Variants in PDZRN4 observed in about 807,000 individuals in gnomAD.
PDZRN4 encodes PDZ domain containing ring finger 4.
PDZRN4 carries 70 observed loss-of-function variants against 99.0 expected under a neutral mutation model. The observed-to-expected ratio is 0.71, with a 90% CI of 0.58 to 0.86. The LOEUF (loss-of-function observed/expected upper bound fraction) is 0.86. Ranked by LOEUF, PDZRN4 falls within the 40% of genes least tolerant of loss-of-function variation. The pLI is 0.00. For missense variants in PDZRN4, 1,474 were observed against 1,331.2 expected (o/e 1.11, Z -1.67); for synonymous variants, 551 against 501.6 (o/e 1.10, Z -1.32).
At chr12:41,464,278 C>T (rs1227130643) in intron 3 of PDZRN4, among the ~76,000 whole-genome samples, 4 of 134,086 alleles carry the variant, frequency 3.0e-5, no homozygotes, top group Non-Finnish European at 3.2e-5. Flanking sequence ...TTCTAGCTTC[C>T]TACTGTACTA....
intron 3 of PDZRN4, among the ~76,000 whole-genome samples, chr12:41,232,276 C>G (rs1164211467): frequency 6.6e-6 from 1 of 152,018 alleles, no homozygotes; most frequent in Non-Finnish European, 1.5e-5. Context: ...TAAGGTGATG[C>G]TCATGTAGCC....
At chr12:41,255,904 A>G (rs1951202103) in intron 3 of PDZRN4, among the ~76,000 whole-genome samples, 1 of 152,178 alleles carries the variant, frequency 6.6e-6, no homozygotes, top group Admixed American at 6.5e-5. Context: ...ACTTATTGCC[A>G]TGGGGTGGGT....
At position 41,336,707 on chromosome 12, in the gene PDZRN4, T is replaced by A. The variant is rs182547174; in HGVS notation, c.843+142519T>A. Among the ~76,000 whole-genome samples, 111 of 152,198 alleles carry A rather than the reference T, an allele frequency of 7.3e-4. 1 individual carries two copies. In the East Asian group the frequency reaches 0.018, roughly 25 times the overall value. ...CCAAGCATTCAGGGATCAAAGTTTTTAAAGATAATTTGGTGGGTTGGGGCT... is the reference window on the plus strand; with the variant it reads ...CCAAGCATTCAGGGATCAAAGTTTTAAAAGATAATTTGGTGGGTTGGGGCT... On this transcript the variant is annotated intron_variant, in intron 3 of 9. Transcript: ENST00000402685.
chr12:41,453,199 C>T (rs1403210243), intron 3 of PDZRN4, among the ~76,000 whole-genome samples: 1 of 152,146 alleles, frequency 6.6e-6, no homozygotes, highest in African/African-American at 2.4e-5. Flanking sequence ...CCATGCCCCC[C>T]GCCCCTGGGG....
intron 3 of PDZRN4, among the ~76,000 whole-genome samples, chr12:41,386,262 G>C (rs961139617): frequency 6.6e-6 from 1 of 152,156 alleles, no homozygotes; most frequent in African/African-American, 2.4e-5. Context: ...ACAAGACAAA[G>C]ATATTCTCTC....
intron 3 of PDZRN4, among the ~76,000 whole-genome samples, chr12:41,257,296 T>G (rs1484316508): frequency 6.6e-6 from 1 of 152,214 alleles, no homozygotes; most frequent in Non-Finnish European, 1.5e-5. Context: ...TGCAGATTGC[T>G]GACTTTTCAT....
At chr12:41,291,992 T>A (rs1439677515) in intron 3 of PDZRN4, among the ~76,000 whole-genome samples, 1 of 152,146 alleles carries the variant, frequency 6.6e-6, no homozygotes, top group Non-Finnish European at 1.5e-5. Flanking sequence ...GAAAACAGGC[T>A]AAAGGATCTG....
At chr12:41,302,435 A>G (rs1951542336) in intron 3 of PDZRN4, among the ~76,000 whole-genome samples, 1 of 152,136 alleles carries the variant, frequency 6.6e-6, no homozygotes, top group Non-Finnish European at 1.5e-5. Flanking sequence ...TTAAAATACA[A>G]CATCAAGTGA....
chr12:41,338,588 C>T (rs1001354402), intron 3 of PDZRN4, among the ~76,000 whole-genome samples: 1 of 151,272 alleles, frequency 6.6e-6, no homozygotes, highest in African/African-American at 2.4e-5. Context: ...AGAGAAGACC[C>T]AAATAAATAA....
chr12:41,355,415 T>G (rs1184162386), intron 3 of PDZRN4, among the ~76,000 whole-genome samples: 2 of 152,050 alleles, frequency 1.3e-5, no homozygotes, highest in Non-Finnish European at 2.9e-5. Context: ...TGGTATTTAG[T>G]CTTGTTCTGA....
chr12:41,450,823 G>T (rs1023119624), intron 3 of PDZRN4, among the ~76,000 whole-genome samples: 1 of 152,106 alleles, frequency 6.6e-6, no homozygotes, highest in Non-Finnish European at 1.5e-5. Context: ...AGCTACGTGG[G>T]AGGCTAAGAC....
chr12:41,437,689 G>C lies in PDZRN4; in HGVS notation c.844-68767G>C. The C allele has an allele frequency of 3.8e-6, 5 of 1,314,804 alleles. No homozygotes were observed. In the East Asian group the frequency reaches 8.0e-5, roughly 21 times the overall value. The allele number at this position is 1,314,804 out of a possible 1,614,324, so 81.4% of individuals were successfully genotyped here. ...CATGTGCACTGATGCAGAGACGGGG[G>C]AGTGTTGCCATGAACTGACTGGAAA... On this transcript the variant is annotated intron_variant, in intron 3 of 9. Transcript: ENST00000402685.
intron 3 of PDZRN4, among the ~76,000 whole-genome samples, chr12:41,267,346 A>C (rs1305430620): frequency 6.6e-6 from 1 of 152,162 alleles, no homozygotes; most frequent in African/African-American, 2.4e-5. Flanking sequence ...AGCTATTACC[A>C]ATCAACTGGA....
chr12:41,455,539 C>A (rs984667538), intron 3 of PDZRN4, among the ~76,000 whole-genome samples: 7 of 152,090 alleles, frequency 4.6e-5, no homozygotes, highest in African/African-American at 1.4e-4. Flanking sequence ...TCAACTATTG[C>A]AGCAAAAATA....
chr12:41,371,839 A>T (rs1220554136), intron 3 of PDZRN4, among the ~76,000 whole-genome samples: 2 of 152,160 alleles, frequency 1.3e-5, no homozygotes, highest in Non-Finnish European at 2.9e-5. Context: ...TTTATGCATG[A>T]TGAATGTGAG....
At chr12:41,283,084 G>C (rs577240926) in intron 3 of PDZRN4, among the ~76,000 whole-genome samples, 33 of 99,636 alleles carry the variant, frequency 3.3e-4, no homozygotes, top group African/African-American at 8.9e-4. Flanking sequence ...ATGAATCCAG[G>C]GGCTGTTTTT....
intron 3 of PDZRN4, among the ~76,000 whole-genome samples, chr12:41,230,150 T>C (rs1394253242): frequency 6.6e-6 from 1 of 152,016 alleles, no homozygotes; most frequent in Non-Finnish European, 1.5e-5. Flanking sequence ...CAGCACAATT[T>C]AAAGTAAGCC....
intron 3 of PDZRN4, among the ~76,000 whole-genome samples, chr12:41,351,869 G>T (rs1352608191): frequency 6.6e-6 from 1 of 151,908 alleles, no homozygotes; most frequent in South Asian, 2.1e-4. Context: ...AATAAACTGG[G>T]CATGGTGATA....
chr12:41,528,821 C>A (rs1054706141), intron 5 of PDZRN4, among the ~76,000 whole-genome samples: 1 of 152,132 alleles, frequency 6.6e-6, no homozygotes, highest in East Asian at 1.9e-4. Flanking sequence ...AGTGTTATAA[C>A]CCTGGTAATG....
Sources: gnomAD v4.1 joint callset for allele counts (sites outside exome capture counted in the v4.1 genomes callset) on GRCh38, gnomAD v4.1.1 for gene constraint, MANE v1.5 for transcripts, NCBI Gene and HGNC (gene_info 2026-07-23, HGNC 2026-07-21) for gene names.